RBFOX1: variants seen among roughly 807,000 people sequenced by gnomAD.
RBFOX1 encodes the protein RNA binding protein fox-1 homolog 1.
A neutral mutation model predicts 57.7 loss-of-function variants in RBFOX1; 8 were observed. That is an observed-to-expected ratio of 0.14 (90% confidence interval 0.08 to 0.25). RBFOX1 has a LOEUF of 0.25. Among genes scored for constraint, RBFOX1 ranks in the 10% least tolerant of loss-of-function variants. The probability of loss-of-function intolerance (pLI) is 1.00; values close to 1 mark genes in which losing one functional copy is unlikely to be tolerated. For synonymous variants in RBFOX1, 326 were observed against 222.4 expected, an observed-to-expected ratio of 1.47 and a Z score of -4.15; for missense variants, 611 against 548.5, an observed-to-expected ratio of 1.11 and a Z score of -1.14.
intron 2 of RBFOX1, among the ~76,000 whole-genome samples, chr16:5,467,669 AC>A (rs1173401293): frequency 6.6e-6 from 1 of 152,214 alleles, no homozygotes; most frequent in African/African-American, 2.4e-5. Context: ...ATATAATTGA[AC>A]CAAACAGATC....
intron 3 of RBFOX1, among the ~76,000 whole-genome samples, chr16:6,802,300 A>C (rs1404042291): frequency 1.3e-5 from 2 of 152,164 alleles, no homozygotes; most frequent in Non-Finnish European, 2.9e-5. Context: ...CTGATTTGCC[A>C]CACAGGGTCC....
intron 2 of RBFOX1, among the ~76,000 whole-genome samples, chr16:6,607,005 C>T (rs1467047591): frequency 6.6e-6 from 1 of 152,166 alleles, no homozygotes; most frequent in Admixed American, 6.5e-5. Context: ...TTCTCCAGAG[C>T]CTTGTCAGCA....
chr16:6,862,918 G>C (rs2059267917), intron 3 of RBFOX1, among the ~76,000 whole-genome samples: 1 of 151,822 alleles, frequency 6.6e-6, no homozygotes, highest in African/African-American at 2.4e-5. Context: ...CCAGGAGGCA[G>C]AGGTTGCAGT....
At chr16:7,292,819 T>A (rs2095818847) in intron 4 of RBFOX1, among the ~76,000 whole-genome samples, 1 of 152,050 alleles carries the variant, frequency 6.6e-6, no homozygotes, top group South Asian at 2.1e-4. Flanking sequence ...GCACAATAGG[T>A]CTTGTAATGG....
chr16:6,007,046 C>T (rs887950839), intron 4 of RBFOX1, among the ~76,000 whole-genome samples: 1 of 152,058 alleles, frequency 6.6e-6, no homozygotes, highest in South Asian at 2.1e-4. Flanking sequence ...CGTATCTCTG[C>T]CATCCATGTA....
chr16:6,387,297 A>C (rs191807709), intron 2 of RBFOX1, among the ~76,000 whole-genome samples: 8 of 152,168 alleles, frequency 5.3e-5, no homozygotes, highest in Admixed American at 2.0e-4. Flanking sequence ...GTTGAGATGC[A>C]TTTCTCCCCA....
chr16:7,562,941 C>G (rs2090756606), intron 5 of RBFOX1, among the ~76,000 whole-genome samples: 1 of 152,154 alleles, frequency 6.6e-6, no homozygotes, highest in South Asian at 2.1e-4. Context: ...CAACCAAGTG[C>G]CCCGAGAGCT....
chr16:5,466,721 TTGA>T (rs1329938310), intron 1 of RBFOX1, among the ~76,000 whole-genome samples: 1 of 152,222 alleles, frequency 6.6e-6, no homozygotes, highest in African/African-American at 2.4e-5. Flanking sequence ...ATCACTCGGT[TTGA>T]TGGTTCTGGC....
At chr16:7,332,950 A>C (rs2096718512) in intron 4 of RBFOX1, 1 of 1,611,614 alleles carries the variant, frequency 6.2e-7, no homozygotes, top group Non-Finnish European at 8.5e-7. Context: ...TTTCCCCCTA[A>C]CTCTCCATTG....
At chr16:5,948,809 G>A (rs2059457573) in intron 4 of RBFOX1, among the ~76,000 whole-genome samples, 2 of 152,114 alleles carry the variant, frequency 1.3e-5, no homozygotes, top group South Asian at 4.1e-4. Context: ...CTTAGATTGT[G>A]TTACTTTCTT....
intron 3 of RBFOX1, among the ~76,000 whole-genome samples, chr16:5,780,165 G>C (rs1255416867): frequency 6.6e-6 from 1 of 152,124 alleles, no homozygotes; most frequent in Non-Finnish European, 1.5e-5. Flanking sequence ...ACCAGGCCTG[G>C]CTAATTTTTG....
At chr16:5,808,960 A>C (rs1006421004) in intron 3 of RBFOX1, among the ~76,000 whole-genome samples, 2 of 152,148 alleles carry the variant, frequency 1.3e-5, no homozygotes, top group African/African-American at 4.8e-5. Flanking sequence ...CACTATGTTG[A>C]ATAGGAGTGG....
intron 2 of RBFOX1, among the ~76,000 whole-genome samples, chr16:5,548,204 T>C (rs1033420194): frequency 1.5e-4 from 20 of 134,496 alleles, no homozygotes; most frequent in Middle Eastern, 4.0e-3. Context: ...TATATATATA[T>C]AGACATTGGG....
chr16:7,004,319 T>A (rs1262210773), intron 3 of RBFOX1, among the ~76,000 whole-genome samples: 1 of 152,190 alleles, frequency 6.6e-6, no homozygotes, highest in Non-Finnish European at 1.5e-5. Flanking sequence ...CCTAAGGTTA[T>A]ATTTGTGTAT....
chr16:5,976,980 T>A (rs183503270), intron 4 of RBFOX1, among the ~76,000 whole-genome samples: 2 of 152,300 alleles, frequency 1.3e-5, no homozygotes, highest in East Asian at 3.9e-4. Flanking sequence ...TCTCAAAGTC[T>A]GATCTTTGAT....
intron 1 of RBFOX1, among the ~76,000 whole-genome samples, chr16:6,268,022 A>G (rs546966101): frequency 4.6e-5 from 7 of 152,330 alleles, no homozygotes; most frequent in African/African-American, 1.7e-4. Flanking sequence ...AAATTCTCAT[A>G]AAGAGCCTAT....
At chr16:6,648,680 C>G (rs964814807) in intron 2 of RBFOX1, among the ~76,000 whole-genome samples, 1 of 152,110 alleles carries the variant, frequency 6.6e-6, no homozygotes, top group Non-Finnish European at 1.5e-5. Flanking sequence ...CCGTGCAAAC[C>G]TCATATTTTT....
Position 6,780,557 on chromosome 16 carries a change from C to CATATATAT in RBFOX1, c.-16+125911_-16+125912insATATATAT, listed in dbSNP as rs1567218604. ...ATATATACATTTACATATATATTTA[C>CATATATAT]ATATTTATATATATTTATATATATA... On this transcript the variant is annotated intron_variant, in intron 3 of 15. Coordinates refer to ENST00000550418, the MANE Select transcript of RBFOX1 (RefSeq NM_018723.4). 2.5e-5 allele frequency among the ~76,000 whole-genome samples: 3 copies of CATATATAT among 119,470 alleles called. No homozygotes were observed. The South Asian group carries it at 8.2e-4, about 33-fold the overall frequency. 78.4% of individuals were successfully genotyped at this position (119,470 alleles called of 152,430 possible). A position where few individuals can be genotyped will look rare whatever the true frequency, so the allele number is the denominator to read the frequency against.
chr16:5,879,518 C>G (rs971273726), intron 4 of RBFOX1, among the ~76,000 whole-genome samples: 1 of 152,160 alleles, frequency 6.6e-6, no homozygotes, highest in Admixed American at 6.5e-5. Flanking sequence ...TTCGTGGAGA[C>G]AGGGTTTCAC....
Sources: allele counts gnomAD v4.1 joint callset (sites outside exome capture counted in the v4.1 genomes callset), GRCh38; gene constraint gnomAD v4.1.1; transcripts MANE v1.5; gene names NCBI Gene and HGNC (gene_info 2026-07-23, HGNC 2026-07-21).